KIAA1217: variants seen among roughly 807,000 people sequenced by gnomAD.
KIAA1217 encodes the protein KIAA1217, also known as sickle tail protein homolog.
KIAA1217 carries 88 observed loss-of-function variants against 163.9 expected under a neutral mutation model. That is an observed-to-expected ratio of 0.54 (90% CI 0.45 to 0.64). The LOEUF (loss-of-function observed/expected upper bound fraction) is 0.64, where lower values mean the gene tolerates loss of function less well. KIAA1217 is among the 30% of genes least tolerant of loss of function. The pLI, the probability that KIAA1217 is intolerant of heterozygous loss-of-function variation, is 0.00. For synonymous variants in KIAA1217, 903 were observed against 923.1 expected, an observed-to-expected ratio of 0.98 and a Z score of 0.39; for missense variants, 2,372 against 2,475.0, an observed-to-expected ratio of 0.96 and a Z score of 0.88.
intron 2 of KIAA1217, among the ~76,000 whole-genome samples, chr10:24,264,812 T>A (rs912115464): frequency 2.0e-5 from 3 of 150,968 alleles, no homozygotes; most frequent in Non-Finnish European, 4.4e-5. Flanking sequence ...TCATTCTCTC[T>A]TTCTCTCTCT....
chr10:23,698,113 A>T (rs137981538), intron 1 of KIAA1217, among the ~76,000 whole-genome samples: 119 of 152,322 alleles, frequency 7.8e-4, no homozygotes, highest in African/African-American at 2.6e-3. Context: ...TTAATTAGGC[A>T]CTGAAAATCA....
At chr10:24,004,099 C>G (rs527882911) in intron 1 of KIAA1217, among the ~76,000 whole-genome samples, 1 of 152,164 alleles carries the variant, frequency 6.6e-6, no homozygotes, top group African/African-American at 2.4e-5. Context: ...CCTGCCTCAG[C>G]CTCCTGAGTA....
intron 3 of KIAA1217, among the ~76,000 whole-genome samples, chr10:24,429,002 A>C (rs2059383035): frequency 6.6e-6 from 1 of 152,224 alleles, no homozygotes; most frequent in Non-Finnish European, 1.5e-5. Flanking sequence ...CAAGTATAAG[A>C]GTAAGAAATA....
intron 1 of KIAA1217, among the ~76,000 whole-genome samples, chr10:23,938,427 A>G (rs1305068920): frequency 6.6e-6 from 1 of 152,122 alleles, no homozygotes; most frequent in Non-Finnish European, 1.5e-5. Context: ...GTATGTATAT[A>G]CACCGAGACC....
At chr10:24,231,827 C>CCGGCTCTCTCACCCAGGCTGGAGTG (rs2071459140) in intron 2 of KIAA1217, among the ~76,000 whole-genome samples, 5 of 148,776 alleles carry the variant, frequency 3.4e-5, no homozygotes, top group Non-Finnish European at 3.0e-5. Context: ...GAGATGGAGT[C>CCGGCTCTCTCACCCAGGCTGGAGTG]CGGCTCTCTC....
chr10:23,919,787 A>G (rs1311362119), intron 1 of KIAA1217, among the ~76,000 whole-genome samples: 5 of 152,122 alleles, frequency 3.3e-5, no homozygotes, highest in Non-Finnish European at 7.4e-5. Flanking sequence ...GGTGCTACCC[A>G]AAGAGAGCTG....
At chr10:23,915,012 A>G (rs955366347) in intron 1 of KIAA1217, among the ~76,000 whole-genome samples, 4 of 152,162 alleles carry the variant, frequency 2.6e-5, no homozygotes, top group African/African-American at 7.2e-5. Context: ...TGAGAAGAAA[A>G]GAAATTATAG....
intron 2 of KIAA1217, among the ~76,000 whole-genome samples, chr10:24,317,672 A>T (rs2043571659): frequency 6.6e-6 from 1 of 152,068 alleles, no homozygotes; most frequent in Non-Finnish European, 1.5e-5. Context: ...CATGTCTGGA[A>T]CTCCAGAATA....
chr10:23,817,727 A>T (rs1837372625), intron 1 of KIAA1217, among the ~76,000 whole-genome samples: 1 of 151,866 alleles, frequency 6.6e-6, no homozygotes, highest in African/African-American at 2.4e-5. Context: ...GTGTTACAGA[A>T]ATAGTACTAG....
intron 2 of KIAA1217, among the ~76,000 whole-genome samples, chr10:24,095,551 C>T (rs973868697): frequency 3.9e-5 from 6 of 152,166 alleles, no homozygotes; most frequent in African/African-American, 1.4e-4. Context: ...TTCATTTTCT[C>T]AGACCCAAGT....
chr10:24,288,952 A>C (rs2078831894), intron 2 of KIAA1217, among the ~76,000 whole-genome samples: 1 of 152,184 alleles, frequency 6.6e-6, no homozygotes, highest in Admixed American at 6.5e-5. Context: ...CATCTTATGA[A>C]AAGCTGCTTC....
chr10:24,402,516 C>CAAAAAAAAAAAAAAAAA (rs372012492), intron 3 of KIAA1217, among the ~76,000 whole-genome samples: 22 of 92,892 alleles, frequency 2.4e-4, no homozygotes, highest in East Asian at 1.1e-3. Flanking sequence ...CTCAAAAAAA[C>CAAAAAAAAAAAAAAAAA]AAAAAACAAA....
At chr10:23,878,373 A>T (rs993151363) in intron 1 of KIAA1217, among the ~76,000 whole-genome samples, 1 of 151,866 alleles carries the variant, frequency 6.6e-6, no homozygotes, top group African/African-American at 2.4e-5. Flanking sequence ...TTGTCTCTTG[A>T]TTCATTTAAA....
rs577809212 is a variant in KIAA1217 at position 24,027,928 on chromosome 10, T to G, written c.-171+20554T>G. ...GCCTGAGTTTCAAGTCTTGCTTAGGTACCTACAATCCATTTCTTTGAGCTC... is the reference window on the plus strand; with the variant it reads ...GCCTGAGTTTCAAGTCTTGCTTAGGGACCTACAATCCATTTCTTTGAGCTC... On this transcript the variant is annotated intron_variant, in intron 2 of 18. Transcript: ENST00000376462. 2.0e-5 allele frequency among the ~76,000 whole-genome samples: 3 copies of G among 152,242 alleles called. No homozygotes were observed. The South Asian group carries it at 6.2e-4, about 32-fold the overall frequency.
At chr10:23,899,441 A>C (rs1938046) in intron 1 of KIAA1217, among the ~76,000 whole-genome samples, 2 of 151,954 alleles carry the variant, frequency 1.3e-5, no homozygotes, top group African/African-American at 4.8e-5. Flanking sequence ...CTTTTTGTGC[A>C]TCTGACTTGA....
chr10:23,964,884 G>C (rs545509065), intron 1 of KIAA1217, among the ~76,000 whole-genome samples: 11 of 152,224 alleles, frequency 7.2e-5, no homozygotes, highest in African/African-American at 2.6e-4. Flanking sequence ...CAGTGCCTTA[G>C]ACCACTTGGC....
intron 1 of KIAA1217, among the ~76,000 whole-genome samples, chr10:23,908,082 G>A (rs191611278): frequency 6.6e-6 from 1 of 152,204 alleles, no homozygotes; most frequent in Admixed American, 6.5e-5. Context: ...AAGACCTGAG[G>A]AGAGAGAATT....
chr10:24,349,805 A>G (rs566209058), intron 2 of KIAA1217, among the ~76,000 whole-genome samples: 4 of 152,376 alleles, frequency 2.6e-5, no homozygotes, highest in African/African-American at 9.6e-5. Flanking sequence ...AGAAAGGAAT[A>G]TCTCTCTGGA....
intron 2 of KIAA1217, among the ~76,000 whole-genome samples, chr10:24,124,642 A>G (rs2063402581): frequency 6.6e-6 from 1 of 152,140 alleles, no homozygotes; most frequent in Admixed American, 6.5e-5. Flanking sequence ...CTTATCAAGA[A>G]AGTGTTTTTC....
Sources: allele counts gnomAD v4.1 joint callset (sites outside exome capture counted in the v4.1 genomes callset), GRCh38; gene constraint gnomAD v4.1.1; transcripts MANE v1.5; gene names NCBI Gene and HGNC (gene_info 2026-07-23, HGNC 2026-07-21).